SLC40A1: variants seen among roughly 807,000 people sequenced by gnomAD.
The protein encoded by SLC40A1 is solute carrier family 40 member 1, also known as ferroportin.
In SLC40A1, 16 loss-of-function variants were observed where a neutral mutation model predicts 53.5. The observed-to-expected ratio is 0.30, with a 90% CI of 0.20 to 0.45. The LOEUF (loss-of-function observed/expected upper bound fraction) is 0.45. SLC40A1 is among the 20% of genes least tolerant of loss of function. SLC40A1 has a pLI of 1.00. For synonymous variants in SLC40A1, 247 were observed against 253.2 expected (o/e 0.98, Z 0.23); for missense variants, 545 against 695.4 (o/e 0.78, Z 2.43).
chr2:189,572,670 G>T, intron 4 of SLC40A1, 176 bp downstream of exon 4: 1 of 630,734 alleles, frequency 1.6e-6, no homozygotes. Context: ...CTTAATGAGT[G>T]CCTGTTGTGG....
chr2:189,573,564 A>G (rs1315370995), intron 3 of SLC40A1, among the ~76,000 whole-genome samples: 2 of 152,224 alleles, frequency 1.3e-5, no homozygotes, highest in Non-Finnish European at 2.9e-5. Context: ...AAAGCACTGG[A>G]GTAAGGACAG....
chr2:189,580,297 G>A, intron 1 of SLC40A1, 121 bp downstream of exon 1: 1 of 1,074,780 alleles, frequency 9.3e-7, no homozygotes. Flanking sequence ...TGAGTCAAAG[G>A]ATCTTTTTAC....
intron 3 of SLC40A1, 133 bp downstream of exon 3, chr2:189,575,028 C>A: frequency 1.9e-6 from 2 of 1,026,760 alleles, no homozygotes; most frequent in South Asian, 1.4e-5. Flanking sequence ...GCCATCTAAG[C>A]CCTCCTCCCT....
intron 2 of SLC40A1, among the ~76,000 whole-genome samples, chr2:189,577,487 T>C (rs1243935244): frequency 6.6e-6 from 1 of 152,182 alleles, no homozygotes; most frequent in Admixed American, 6.5e-5. Flanking sequence ...GTTTGTAAGA[T>C]CATGTTATCA....
At position 189,563,646 on chromosome 2, in the gene SLC40A1, G is replaced by C; in HGVS notation, c.1340C>G (p.Pro447Arg). 6.2e-7 allele frequency: 1 copy of C among 1,614,148 alleles called. No individual in the cohort carries two copies. Among genetic ancestry groups the C allele is most frequent in the Non-Finnish European group, 8.5e-7 (1 of 1,179,994 alleles). ...GACAGAGATTATGGGCACAGATTCA[G>C]GACTTGTCTCCGGGACAATATTAGC... is the stretch of plus-strand genomic sequence containing the variant. ...NSANIVPETS[P>R]ESVPIISVSL... Residue 447 changes from proline to arginine, a missense_variant, in exon 7 of 8, where the codon CCT becomes CGT. Transcript: ENST00000261024.
rs953582371 is a variant in SLC40A1 at position 189,561,296 on chromosome 2, T to C, written c.*582A>G. The C allele has an allele frequency of 7.2e-5, 11 of 153,438 alleles. No homozygotes were observed. The highest frequency in any genetic ancestry group is 2.4e-4 in the African/African-American group (10 of 41,452). The allele number at this position is 153,438 out of a possible 1,614,324, so 9.5% of individuals were successfully genotyped here. On this transcript the variant is annotated 3_prime_UTR_variant, in exon 8 of 8. Transcript: ENST00000261024. Reference sequence around the variant, plus strand: ...CCATCTGATAATAAAAATACAAAGGTGCTCTTTAAGCTAAACCATAAACCT... The same window carrying C: ...CCATCTGATAATAAAAATACAAAGGCGCTCTTTAAGCTAAACCATAAACCT...
chr2:189,565,643 C>G (rs1559011182), intron 5 of SLC40A1, 44 bp from the exon 6 acceptor site: 1 of 1,612,242 alleles, frequency 6.2e-7, no homozygotes, highest in East Asian at 2.2e-5. Context: ...GCAAACCCAT[C>G]AAAGAGAGAC....
In SLC40A1 at chr2:189,579,012, T is replaced by C. The variant is rs543440563; in HGVS notation, c.111+801A>G. 1.7e-3 allele frequency among the ~76,000 whole-genome samples: 266 copies of C among 152,338 alleles called. 1 individual carries two copies. The highest frequency in any genetic ancestry group is 5.7e-3 in the African/African-American group (237 of 41,574). ...ATACATATGAGCCATGGACAGAATATAGCCAGATTTATTGCTTTTAAACAA... is the reference window on the plus strand; with the variant it reads ...ATACATATGAGCCATGGACAGAATACAGCCAGATTTATTGCTTTTAAACAA... On this transcript the variant is annotated intron_variant, in intron 2 of 7. Transcript: ENST00000261024.
rs2030745460 is a variant in SLC40A1 at position 189,561,733 on chromosome 2, G to A, written c.*145C>T. 2.9e-6 allele frequency: 2 copies of A among 699,354 alleles called. No homozygotes were observed. Among genetic ancestry groups the A allele is most frequent in the Non-Finnish European group, 4.9e-6 (2 of 411,888 alleles). The allele number at this position is 699,354 out of a possible 1,614,324, so 43.3% of individuals were successfully genotyped here. On this transcript the variant is annotated 3_prime_UTR_variant, in exon 8 of 8. Coordinates refer to ENST00000261024, the MANE Select transcript of SLC40A1 (RefSeq NM_014585.6). ...AATCAGTTAATTTCTGCTGACTTAG[G>A]TTTCCTAAACAGCTTTTAGTTCTCA...
intron 5 of SLC40A1, among the ~76,000 whole-genome samples, chr2:189,570,001 T>C (rs1209152590): frequency 1.4e-5 from 2 of 145,278 alleles, no homozygotes; most frequent in African/African-American, 2.5e-5. Flanking sequence ...TATATATGTA[T>C]GTATATATAT....
exon 1 of SLC40A1, chr2:189,580,785 CCGCCGT>C (rs935845504): frequency 7.9e-7 from 1 of 1,273,414 alleles, no homozygotes; most frequent in African/African-American, 1.5e-5. Flanking sequence ...GCCGCCGCCG[CCGCCGT>C]GGGCCGGGCC....
At chr2:189,572,510 A>G in intron 4 of SLC40A1, 1 of 340,552 alleles carries the variant, frequency 2.9e-6, no homozygotes. Context: ...CGCAATTATG[A>G]CTGACTAATA....
Position 189,563,624 on chromosome 2 carries a change from A to T in SLC40A1, c.1362T>A (p.Ser454=). Reference sequence around the variant, plus strand: ...TGACGCCTGCAAACAGCAGACTGACAGAGATTATGGGCACAGATTCAGGAC... The same window carrying T: ...TGACGCCTGCAAACAGCAGACTGACTGAGATTATGGGCACAGATTCAGGAC... ...ETSPESVPII[S]VSLLFAGVIA... is the part of the protein sequence containing the mutation. Residue 454 remains serine (S), a synonymous_variant, in exon 7 of 8, where the codon TCT becomes TCA. Transcript: ENST00000261024. The T allele has an allele frequency of 6.2e-7, 1 of 1,614,166 alleles. No individual in the cohort carries two copies. The highest frequency in any genetic ancestry group is 8.5e-7 in the Non-Finnish European group (1 of 1,180,002).
intron 6 of SLC40A1, 41 bp downstream of exon 6, chr2:189,565,313 G>A (rs1342722835): frequency 3.1e-6 from 5 of 1,612,324 alleles, no homozygotes; most frequent in African/African-American, 1.3e-5. Flanking sequence ...TTTAAGGTCT[G>A]AACATGAGAA....
At chr2:189,575,404 G>A (rs1046974260) in intron 2 of SLC40A1, 84 bp from the exon 3 acceptor site, 2 of 1,340,242 alleles carry the variant, frequency 1.5e-6, no homozygotes, top group Non-Finnish European at 2.1e-6. Flanking sequence ...CTTATCAAAA[G>A]GGCACTTCCT....
Position 189,564,003 on chromosome 2 carries a change from G to A in SLC40A1, c.983C>T (p.Thr328Ile). 6.2e-7 allele frequency: 1 copy of A among 1,614,088 alleles called. No individual in the cohort carries two copies. Among genetic ancestry groups the A allele is most frequent in the Non-Finnish European group, 8.5e-7 (1 of 1,180,002 alleles). ...YMTVLGFDCI[T>I]TGYAYTQGLS... ...TCCCTGAGTGTAGGCGTACCCTGTG[G>A]TGATGCAGTCAAAGCCCAGGACAGT... Residue 328 changes from threonine to isoleucine, a missense_variant, in exon 7 of 8, where the codon ACC (threonine) becomes ATC (isoleucine). By Grantham distance (89) the Thr-to-Ile change is moderately conservative. Around this residue, in one of 4 missense-constraint regions of SLC40A1, gnomAD observed 234 missense variants for 299.0 expected, o/e 0.78. Coordinates refer to ENST00000261024, the MANE Select transcript of SLC40A1 (RefSeq NM_014585.6).
chr2:189,561,675 AT>A lies in SLC40A1; in HGVS notation c.*202del, dbSNP rs541096009. On this transcript the variant is annotated 3_prime_UTR_variant, in exon 8 of 8. Coordinates refer to ENST00000261024, the MANE Select transcript of SLC40A1 (RefSeq NM_014585.6). ...ATTTAAACTGAGTTTTTCTTTTCCAATTTTTTTTCCATGCCTCAACATAAGG... is the reference window on the plus strand; with the variant it reads ...ATTTAAACTGAGTTTTTCTTTTCCAATTTTTTTCCATGCCTCAACATAAGG... 22 of 566,624 alleles carry A rather than the reference AT, an allele frequency of 3.9e-5. No homozygotes were observed. The highest frequency in any genetic ancestry group is 1.1e-4 in the South Asian group (5 of 47,176). 35.1% of individuals were successfully genotyped at this position (566,624 alleles called of 1,614,324 possible).
intron 7 of SLC40A1, among the ~76,000 whole-genome samples, chr2:189,563,077 C>T (rs1361994428): frequency 6.6e-6 from 1 of 151,584 alleles, no homozygotes; most frequent in African/African-American, 2.4e-5. Flanking sequence ...TAATTCAAGA[C>T]CACCTTCGGC....
intron 3 of SLC40A1, 23 bp from the exon 4 acceptor site, chr2:189,572,984 T>C: frequency 6.8e-7 from 1 of 1,479,952 alleles, no homozygotes; most frequent in Non-Finnish European, 9.5e-7. Context: ...AGAGAGAAAG[T>C]GTACATTACA....
Sources: gnomAD v4.1 joint callset for allele counts (sites outside exome capture counted in the v4.1 genomes callset) on GRCh38, gnomAD v4.1.1 for gene constraint, gnomAD v4.1.1 regional missense constraint, MANE v1.5 for transcripts, NCBI Gene and HGNC (gene_info 2026-07-23, HGNC 2026-07-21) for gene names.